The following CLDN10 variants were observed in gnomAD, a reference collection of about 807,000 sequenced individuals.
CLDN10 encodes claudin-10.
CLDN10 carries 15 observed loss-of-function variants against 22.9 expected under a neutral mutation model. The ratio of observed to expected loss-of-function variants is 0.65; its 90% confidence interval spans 0.44 to 1.01. CLDN10 has a LOEUF of 1.01. CLDN10 is among the 50% of genes least tolerant of loss of function. The pLI is 0.00. For synonymous variants in CLDN10, 114 were observed against 111.4 expected (o/e 1.02, Z -0.15); for missense variants, 247 against 287.8 (o/e 0.86, Z 1.03).
intron 1 of CLDN10, among the ~76,000 whole-genome samples, chr13:95,475,336 C>G (rs1341749403): frequency 6.6e-6 from 1 of 152,194 alleles, no homozygotes; most frequent in Non-Finnish European, 1.5e-5. Context: ...CACCTGGTCC[C>G]CAGAGACTGT....
intron 3 of CLDN10, among the ~76,000 whole-genome samples, chr13:95,566,139 C>T (rs2043784856): frequency 6.6e-6 from 1 of 152,104 alleles, no homozygotes; most frequent in Admixed American, 6.5e-5. Context: ...GGGTATATAC[C>T]CAGTAATGGG....
intron 1 of CLDN10, 24 bp from the exon 2 acceptor site, chr13:95,560,108 G>T (rs200161653): frequency 6.3e-6 from 10 of 1,588,802 alleles, no homozygotes; most frequent in Admixed American, 1.7e-5. Flanking sequence ...TTTATGTAAC[G>T]TAAATGACCT....
At chr13:95,538,966 G>A (rs1191559179) in intron 1 of CLDN10, among the ~76,000 whole-genome samples, 1 of 152,090 alleles carries the variant, frequency 6.6e-6, no homozygotes, top group Non-Finnish European at 1.5e-5. Context: ...TGCAACCACC[G>A]CCTCCTGGGT....
At chr13:95,542,705 G>A (rs1304727584) in intron 1 of CLDN10, among the ~76,000 whole-genome samples, 1 of 152,148 alleles carries the variant, frequency 6.6e-6, no homozygotes, top group Non-Finnish European at 1.5e-5. Context: ...TACTCGGGGG[G>A]CTGAGGCAGG....
chr13:95,557,394 T>A (rs1170048482), intron 1 of CLDN10, among the ~76,000 whole-genome samples: 1 of 152,162 alleles, frequency 6.6e-6, no homozygotes, highest in African/African-American at 2.4e-5. Flanking sequence ...GTTGGAATCA[T>A]CTTGGCTCCA....
At chr13:95,528,730 GC>G (rs2043310876) in intron 1 of CLDN10, 1 of 152,296 alleles carries the variant, frequency 6.6e-6, no homozygotes, top group East Asian at 1.9e-4. Flanking sequence ...GGAGCTCATG[GC>G]AGCAGAAAAA....
intron 1 of CLDN10, among the ~76,000 whole-genome samples, chr13:95,451,811 CA>C (rs1180254285): frequency 6.6e-6 from 1 of 152,152 alleles, no homozygotes; most frequent in Non-Finnish European, 1.5e-5. Flanking sequence ...TGAGTGAGAG[CA>C]AGGAGCAGAC....
intron 3 of CLDN10, among the ~76,000 whole-genome samples, chr13:95,573,539 A>G (rs1188711654): frequency 6.7e-6 from 1 of 149,000 alleles, no homozygotes; most frequent in Non-Finnish European, 1.5e-5. Context: ...TCTTAGTGTT[A>G]CCGAAAAGGA....
At chr13:95,465,378 G>A (rs1354345895) in intron 1 of CLDN10, among the ~76,000 whole-genome samples, 1 of 152,130 alleles carries the variant, frequency 6.6e-6, no homozygotes, top group Non-Finnish European at 1.5e-5. Context: ...ACCATGCCCC[G>A]CTGATACTGT....
At chr13:95,456,493 T>C (rs1399023023) in intron 1 of CLDN10, among the ~76,000 whole-genome samples, 1 of 152,110 alleles carries the variant, frequency 6.6e-6, no homozygotes, top group Non-Finnish European at 1.5e-5. Context: ...TGACTCACTC[T>C]TGTAATCTCA....
At chr13:95,448,737 T>TTTTAC (rs1194169176) in intron 1 of CLDN10, among the ~76,000 whole-genome samples, 1 of 151,356 alleles carries the variant, frequency 6.6e-6, no homozygotes, top group African/African-American at 2.4e-5. Flanking sequence ...TTTTATTTTA[T>TTTTAC]TTTATTTTAT....
At position 95,511,758 on chromosome 13, in the gene CLDN10, T is replaced by C. The variant is rs544651021; in HGVS notation, c.215-48374T>C. 8.5e-4 allele frequency among the ~76,000 whole-genome samples: 111 copies of C among 130,578 alleles called. 1 individual carries two copies. The highest frequency in any genetic ancestry group is 2.9e-3 in the African/African-American group (106 of 36,800). 85.7% of individuals were successfully genotyped at this position (130,578 alleles called of 152,430 possible). ...TAGGAAAAGTCATCTTAGGCAAAGA[T>C]TCTCTCTCCTTTTTTTTTTTTTTTT... On this transcript the variant is annotated intron_variant, in intron 1 of 4. Coordinates refer to the CLDN10 transcript ENST00000376873.
At chr13:95,512,844 A>G (rs931930122) in intron 1 of CLDN10, among the ~76,000 whole-genome samples, 1 of 152,180 alleles carries the variant, frequency 6.6e-6, no homozygotes, top group Non-Finnish European at 1.5e-5. Flanking sequence ...TGTTTTCACC[A>G]ATACCTGGCA....
intron 1 of CLDN10, among the ~76,000 whole-genome samples, chr13:95,516,594 A>C (rs1278441485): frequency 2.0e-5 from 3 of 152,194 alleles, no homozygotes; most frequent in Non-Finnish European, 4.4e-5. Flanking sequence ...TGATCCCCAA[A>C]GGAAACCAAT....
At chr13:95,461,023 A>T (rs993866532) in intron 1 of CLDN10, among the ~76,000 whole-genome samples, 1 of 152,106 alleles carries the variant, frequency 6.6e-6, no homozygotes, top group African/African-American at 2.4e-5. Flanking sequence ...GAGGCAGGGG[A>T]ATTGCTTGAA....
chr13:95,437,732 A>G (rs1036524625), intron 1 of CLDN10, among the ~76,000 whole-genome samples: 2 of 152,214 alleles, frequency 1.3e-5, no homozygotes, highest in African/African-American at 4.8e-5. Context: ...TGAATTGAGG[A>G]GCGAGTGAGG....
chr13:95,577,261 A>G lies in CLDN10; in HGVS notation c.495A>G (p.Gly165=). The G allele has an allele frequency of 6.2e-7, 1 of 1,614,116 alleles. No individual in the cohort carries two copies. The highest frequency in any genetic ancestry group is 8.5e-7 in the Non-Finnish European group (1 of 1,179,956). ...AATTAGGAGCCGCTCTGTTTATTGG[A>G]TGGGCAGGAGCCTCACTGTGCATAA... ...KYELGAALFI[G]WAGASLCIIG... Residue 165 remains glycine, a synonymous_variant, in exon 4 of 5, where the codon GGA becomes GGG. Transcript: ENST00000299339.
chr13:95,514,365 G>A (rs1008650569), intron 1 of CLDN10, among the ~76,000 whole-genome samples: 7 of 152,088 alleles, frequency 4.6e-5, no homozygotes, highest in East Asian at 1.9e-4. Context: ...ATAAGCAAAC[G>A]TTAACAATCA....
chr13:95,475,553 G>A (rs1443577226), intron 1 of CLDN10, among the ~76,000 whole-genome samples: 1 of 152,208 alleles, frequency 6.6e-6, no homozygotes, highest in East Asian at 1.9e-4. Flanking sequence ...CTCCCCAAGG[G>A]AGGGAAGTGG....
Sources: gnomAD v4.1 joint callset for allele counts (sites outside exome capture counted in the v4.1 genomes callset) on GRCh38, gnomAD v4.1.1 for gene constraint, MANE v1.5 for transcripts, NCBI Gene and HGNC (gene_info 2026-07-23, HGNC 2026-07-21) for gene names.